CCSER1: variants seen among roughly 807,000 people sequenced by gnomAD.
CCSER1 encodes serine-rich coiled-coil domain-containing protein 1.
CCSER1 carries 41 observed loss-of-function variants against 82.0 expected under a neutral mutation model. That is an observed-to-expected ratio of 0.50 (90% confidence interval 0.39 to 0.65). The LOEUF is 0.65. Among genes scored for constraint, CCSER1 ranks in the 30% least tolerant of loss-of-function variants. The pLI is 0.00. For missense variants in CCSER1, 1,119 were observed against 1,064.2 expected (o/e 1.05, Z -0.72); for synonymous variants, 414 against 383.9 (o/e 1.08, Z -0.92).
At chr4:90,471,804 G>A (rs1764446460) in intron 5 of CCSER1, among the ~76,000 whole-genome samples, 1 of 151,810 alleles carries the variant, frequency 6.6e-6, no homozygotes, top group African/African-American at 2.4e-5. Flanking sequence ...GTGAAACCCT[G>A]TCTCTACTAA....
intron 6 of CCSER1, among the ~76,000 whole-genome samples, chr4:90,719,903 G>A (rs778411414): frequency 6.6e-6 from 1 of 152,096 alleles, no homozygotes; most frequent in African/African-American, 2.4e-5. Flanking sequence ...CTCTTGAAGA[G>A]AACTAGCTAA....
chr4:90,506,680 G>C (rs1236959606), intron 5 of CCSER1, among the ~76,000 whole-genome samples: 1 of 151,800 alleles, frequency 6.6e-6, no homozygotes, highest in Non-Finnish European at 1.5e-5. Context: ...CAGGAGAATG[G>C]CTTGAACCTG....
chr4:90,376,622 T>A (rs1748355439), intron 3 of CCSER1, among the ~76,000 whole-genome samples: 1 of 152,138 alleles, frequency 6.6e-6, no homozygotes, highest in African/African-American at 2.4e-5. Flanking sequence ...TACAAGTCAG[T>A]CTCTTATTGC....
intron 7 of CCSER1, among the ~76,000 whole-genome samples, chr4:90,728,502 G>T (rs936040012): frequency 3.3e-5 from 5 of 152,126 alleles, no homozygotes; most frequent in African/African-American, 1.2e-4. Context: ...TTAAGCAGGG[G>T]ATAGAAGGGA....
intron 10 of CCSER1, among the ~76,000 whole-genome samples, chr4:91,166,206 CA>C (rs1481367276): frequency 3.9e-5 from 6 of 152,216 alleles, no homozygotes; most frequent in Admixed American, 3.3e-4. Flanking sequence ...AATGATATTT[CA>C]AGAGGCATAT....
rs370897044 is a variant in CCSER1 at position 90,628,263 on chromosome 4, C to T, written c.1932+31C>T. The T allele has an allele frequency of 1.1e-3, 1,678 of 1,552,800 alleles. 4 individuals carry two copies. Among genetic ancestry groups the T allele is most frequent in the Middle Eastern group, 9.4e-3 (45 of 4,764 alleles). On this transcript the variant is annotated intron_variant, in intron 6 of 10. Coordinates refer to ENST00000509176, the MANE Select transcript of CCSER1 (RefSeq NM_001145065.2). Reference sequence around the variant, plus strand: ...GGTTTCCTCTAAGATTAATGTCCTTCAGTGCTGGTAGACAATGAAGTCTGC... The same window carrying T: ...GGTTTCCTCTAAGATTAATGTCCTTTAGTGCTGGTAGACAATGAAGTCTGC...
At position 91,181,614 on chromosome 4, in the gene CCSER1, A is replaced by C. The variant is rs113903127; in HGVS notation, c.2217+95620A>C. On this transcript the variant is annotated intron_variant, in intron 10 of 10. Coordinates refer to ENST00000509176, the MANE Select transcript of CCSER1 (RefSeq NM_001145065.2). ...CTGACCATTTTTCTCAGATCATCTGAACATAGTGTGGCCATGGCACGCAGA... is the reference window on the plus strand; with the variant it reads ...CTGACCATTTTTCTCAGATCATCTGCACATAGTGTGGCCATGGCACGCAGA... 3.3e-3 allele frequency among the ~76,000 whole-genome samples: 503 copies of C among 152,284 alleles called. 2 individuals carry two copies. Among genetic ancestry groups the C allele is most frequent in the African/African-American group, 0.012 (483 of 41,568 alleles).
At chr4:90,129,318 A>T (rs1165126671) in intron 1 of CCSER1, among the ~76,000 whole-genome samples, 3 of 152,212 alleles carry the variant, frequency 2.0e-5, no homozygotes, top group Non-Finnish European at 4.4e-5. Flanking sequence ...TCTAGGCTAT[A>T]ATATAATTTG....
chr4:90,721,121 A>T lies in CCSER1; in HGVS notation c.1933-2793A>T, dbSNP rs188826215. Among the ~76,000 whole-genome samples, 34 of 152,100 alleles carry T rather than the reference A, an allele frequency of 2.2e-4. No individual in the cohort carries two copies. In the East Asian group the frequency reaches 6.2e-3, roughly 28 times the overall value. On this transcript the variant is annotated intron_variant, in intron 6 of 10. Transcript: ENST00000509176. Reference sequence around the variant, plus strand: ...CTAGATTTTATTATTGAACCTAAGGATGACACTTAGGAGAAAAATGAAAGA... The same window carrying T: ...CTAGATTTTATTATTGAACCTAAGGTTGACACTTAGGAGAAAAATGAAAGA...
intron 1 of CCSER1, among the ~76,000 whole-genome samples, chr4:90,187,526 T>C (rs1174519855): frequency 1.3e-5 from 2 of 151,854 alleles, no homozygotes; most frequent in Non-Finnish European, 2.9e-5. Context: ...TCTAATTGGC[T>C]GCTGTGGAAG....
intron 8 of CCSER1, among the ~76,000 whole-genome samples, chr4:90,825,751 G>A (rs1434616444): frequency 1.5e-5 from 2 of 130,988 alleles, no homozygotes; most frequent in African/African-American, 6.0e-5. Flanking sequence ...TTTTTTTTGA[G>A]ATGGAGTCTC....
intron 10 of CCSER1, among the ~76,000 whole-genome samples, chr4:91,423,897 TA>T (rs1449581886): frequency 1.3e-5 from 2 of 151,900 alleles, no homozygotes; most frequent in African/African-American, 4.8e-5. Flanking sequence ...GAGAATGAGT[TA>T]TGATCTGGTC....
At chr4:91,055,919 C>T (rs1743404287) in intron 9 of CCSER1, among the ~76,000 whole-genome samples, 1 of 151,812 alleles carries the variant, frequency 6.6e-6, no homozygotes, top group South Asian at 2.1e-4. Context: ...TCAATAATTT[C>T]AATGGTCCTG....
At chr4:91,304,203 A>T (rs1040115256) in intron 10 of CCSER1, among the ~76,000 whole-genome samples, 6 of 152,086 alleles carry the variant, frequency 3.9e-5, no homozygotes, top group Admixed American at 3.9e-4. Context: ...ATAGTGAATT[A>T]AAATGAAATT....
chr4:91,179,010 T>G (rs1733713473), intron 10 of CCSER1, among the ~76,000 whole-genome samples: 1 of 152,190 alleles, frequency 6.6e-6, no homozygotes, highest in Non-Finnish European at 1.5e-5. Flanking sequence ...TGACAAAATC[T>G]CTCAGCATTT....
intron 9 of CCSER1, among the ~76,000 whole-genome samples, chr4:91,077,732 G>A (rs572092247): frequency 3.3e-5 from 5 of 152,132 alleles, no homozygotes; most frequent in Admixed American, 6.5e-5. Context: ...TGGAAAATTG[G>A]GGCACTCCCA....
intron 7 of CCSER1, among the ~76,000 whole-genome samples, chr4:90,795,279 C>T (rs1755832607): frequency 7.9e-6 from 1 of 125,798 alleles, no homozygotes; most frequent in Non-Finnish European, 1.7e-5. Flanking sequence ...AAGGGCAAAA[C>T]TCTGTCTCAA....
chr4:91,287,061 T>G (rs1480210001), intron 10 of CCSER1, among the ~76,000 whole-genome samples: 1 of 151,860 alleles, frequency 6.6e-6, no homozygotes, highest in Non-Finnish European at 1.5e-5. Context: ...TAGCAGTTAT[T>G]TTATAGCACA....
intron 9 of CCSER1, among the ~76,000 whole-genome samples, chr4:90,957,166 G>A (rs1445264356): frequency 5.8e-5 from 8 of 136,774 alleles, no homozygotes; most frequent in Admixed American, 1.6e-4. Flanking sequence ...GCAGTGGCGC[G>A]ATCTCGGCTC....
Sources: allele counts gnomAD v4.1 joint callset (sites outside exome capture counted in the v4.1 genomes callset), GRCh38; gene constraint gnomAD v4.1.1; transcripts MANE v1.5; gene names NCBI Gene and HGNC (gene_info 2026-07-23, HGNC 2026-07-21).